Variants in SGCD observed in about 807,000 individuals in gnomAD.
SGCD encodes delta-sarcoglycan.
In SGCD, 18 loss-of-function variants were observed where a neutral mutation model predicts 36.6. The ratio of observed to expected loss-of-function variants is 0.49; its 90% CI spans 0.34 to 0.73. The LOEUF is 0.73. SGCD is among the 30% of genes least tolerant of loss of function. The pLI, the probability that SGCD is intolerant of heterozygous loss-of-function variation, is 0.01. For synonymous variants in SGCD, 133 were observed against 130.6 expected (o/e 1.02, Z -0.12); for missense variants, 387 against 346.7 (o/e 1.12, Z -0.92).
At chr5:156,497,906 G>A (rs1756267808) in intron 3 of SGCD, among the ~76,000 whole-genome samples, 1 of 152,026 alleles carries the variant, frequency 6.6e-6, no homozygotes, top group African/African-American at 2.4e-5. Context: ...CGTTTATAAT[G>A]CTCCCTAGAA....
At chr5:155,878,414 T>C (rs987084461) in intron 1 of SGCD, among the ~76,000 whole-genome samples, 2 of 152,016 alleles carry the variant, frequency 1.3e-5, no homozygotes. Flanking sequence ...TGGTGACCAA[T>C]TAGAAAATGG....
At chr5:155,956,043 T>C (rs561787897) in intron 1 of SGCD, among the ~76,000 whole-genome samples, 1 of 152,004 alleles carries the variant, frequency 6.6e-6, no homozygotes, top group African/African-American at 2.4e-5. Context: ...AATAATTGCA[T>C]TGCCACTCTA....
chr5:155,793,891 G>A, the SGCD span, among the ~76,000 whole-genome samples: 13 of 148,220 alleles, frequency 8.8e-5, no homozygotes, highest in African/African-American at 3.0e-4. Context: ...AAGCCTGTTT[G>A]CCTGTTTTCC....
At chr5:155,836,602 G>A in the SGCD span, among the ~76,000 whole-genome samples, 1 of 151,978 alleles carries the variant, frequency 6.6e-6, no homozygotes, top group African/African-American at 2.4e-5. Flanking sequence ...CTGCTCTCAA[G>A]CCCTGTACTG....
chr5:156,247,858 T>C (rs553073249), intron 3 of SGCD, among the ~76,000 whole-genome samples: 1 of 152,326 alleles, frequency 6.6e-6, no homozygotes, highest in South Asian at 2.1e-4. Flanking sequence ...TGTGTTGCAA[T>C]AAGCCTTTGG....
chr5:156,747,595 G>A (rs913459177), intron 7 of SGCD, among the ~76,000 whole-genome samples: 1 of 152,138 alleles, frequency 6.6e-6, no homozygotes, highest in Non-Finnish European at 1.5e-5. Flanking sequence ...CCTCTCCACA[G>A]GGCAGCTATC....
At chr5:156,756,007 C>T (rs1757321442) in intron 7 of SGCD, among the ~76,000 whole-genome samples, 1 of 151,954 alleles carries the variant, frequency 6.6e-6, no homozygotes, top group Admixed American at 6.6e-5. Context: ...TTACTGAGGC[C>T]CAAGAGGCTT....
At chr5:156,425,160 C>T (rs1013503129) in intron 3 of SGCD, among the ~76,000 whole-genome samples, 2 of 152,170 alleles carry the variant, frequency 1.3e-5, no homozygotes, top group Non-Finnish European at 2.9e-5. Context: ...TAACTCTTTT[C>T]TTGCCCATTT....
the SGCD span, among the ~76,000 whole-genome samples, chr5:155,805,651 T>C: frequency 2.0e-5 from 3 of 152,142 alleles, no homozygotes; most frequent in African/African-American, 7.2e-5. Context: ...GAGAACAAAA[T>C]AGCCTCTGGT....
chr5:156,300,961 T>G (rs1767037893), intron 3 of SGCD, among the ~76,000 whole-genome samples: 1 of 152,018 alleles, frequency 6.6e-6, no homozygotes, highest in African/African-American at 2.4e-5. Flanking sequence ...GCATGGCATA[T>G]CTTTTTCCAT....
At chr5:155,846,034 T>A in the SGCD span, among the ~76,000 whole-genome samples, 1 of 152,188 alleles carries the variant, frequency 6.6e-6, no homozygotes, top group Non-Finnish European at 1.5e-5. Context: ...GGCAAAGCAA[T>A]GAGCTCTGCA....
chr5:156,385,115 T>A (rs1308366542), intron 3 of SGCD, among the ~76,000 whole-genome samples: 1 of 152,070 alleles, frequency 6.6e-6, no homozygotes, highest in East Asian at 1.9e-4. Context: ...TTAGATGGAG[T>A]GAAGTGCAGT....
intron 3 of SGCD, among the ~76,000 whole-genome samples, chr5:156,290,859 A>G (rs1006326576): frequency 6.6e-6 from 1 of 152,176 alleles, no homozygotes; most frequent in Non-Finnish European, 1.5e-5. Flanking sequence ...TTTGATCCAT[A>G]GATCCAGAAT....
At chr5:156,417,399 C>G (rs1056057233) in intron 3 of SGCD, among the ~76,000 whole-genome samples, 2 of 152,234 alleles carry the variant, frequency 1.3e-5, no homozygotes, top group African/African-American at 2.4e-5. Context: ...ACAAGAATAC[C>G]TCACAGGTAA....
chr5:156,386,592 T>C (rs967355280), intron 3 of SGCD, among the ~76,000 whole-genome samples: 46 of 152,358 alleles, frequency 3.0e-4, no homozygotes, highest in African/African-American at 1.1e-3. Flanking sequence ...GTGCTAATAG[T>C]CCCTTGCGAT....
rs142375851 is a variant in SGCD, at chr5:156,320,916, G to A, written c.-43-8618G>A. Among the ~76,000 whole-genome samples, 215 of 152,302 alleles carry A rather than the reference G, an allele frequency of 1.4e-3. 1 individual carries two copies. The highest frequency in any genetic ancestry group is 6.8e-3 in the Middle Eastern group (2 of 294). On this transcript the variant is annotated intron_variant, in intron 3 of 9. Coordinates refer to the SGCD transcript ENST00000517913. ...ATTTACTCTGTTTTGAAGAGCCAGA[G>A]CAGAGTGAGTGTCACTTCCCATCAG...
intron 4 of SGCD, among the ~76,000 whole-genome samples, chr5:156,512,508 A>G (rs776783169): frequency 1.3e-5 from 2 of 152,184 alleles, no homozygotes; most frequent in Non-Finnish European, 2.9e-5. Context: ...AGGACACTCT[A>G]TGATGTTCAT....
At chr5:156,394,072 T>C (rs1771725382) in intron 3 of SGCD, among the ~76,000 whole-genome samples, 1 of 152,172 alleles carries the variant, frequency 6.6e-6, no homozygotes, top group African/African-American at 2.4e-5. Flanking sequence ...TTGGGAGGAA[T>C]TCATGAGAAT....
chr5:156,105,790 C>T (rs1195867719), intron 1 of SGCD, among the ~76,000 whole-genome samples: 3 of 151,996 alleles, frequency 2.0e-5, no homozygotes, highest in Non-Finnish European at 2.9e-5. Flanking sequence ...ATGTTCTCTC[C>T]TTTAAGGGAT....
Sources: allele counts gnomAD v4.1 joint callset (sites outside exome capture counted in the v4.1 genomes callset), GRCh38; gene constraint gnomAD v4.1.1; transcripts MANE v1.5; gene names NCBI Gene and HGNC (gene_info 2026-07-23, HGNC 2026-07-21).